LARP4: variants seen among roughly 807,000 people sequenced by gnomAD.
LARP4 encodes la-related protein 4.
In LARP4, 29 loss-of-function variants were observed where a neutral mutation model predicts 92.9. The ratio of observed to expected loss-of-function variants is 0.31; its 90% CI spans 0.23 to 0.43. The LOEUF (loss-of-function observed/expected upper bound fraction) is 0.43. LARP4 is among the 20% of genes least tolerant of loss of function. LARP4 has a pLI of 1.00. For missense variants in LARP4, 732 were observed against 860.0 expected, an observed-to-expected ratio of 0.85 and a Z score of 1.86; for synonymous variants, 279 against 284.1, an observed-to-expected ratio of 0.98 and a Z score of 0.18.
chr12:50,404,681 G>GT lies in LARP4; in HGVS notation c.18+3677dup, dbSNP rs1162590362. Among the ~76,000 whole-genome samples, 661 of 66,966 alleles carry GT rather than the reference G, an allele frequency of 9.9e-3. 5 individuals are homozygous for GT. Among genetic ancestry groups the GT allele is most frequent in the Middle Eastern group, 0.029 (3 of 102 alleles). The allele number at this position is 66,966 out of a possible 152,430, so 43.9% of individuals were successfully genotyped here. On this transcript the variant is annotated intron_variant, in intron 1 of 15. Transcript: ENST00000398473. ...AACCTCCGCCTCCTGGGTTCAAGCA[G>GT]TTTTTTTTTTTTTTTTTTTTTTTTG...
intron 3 of LARP4, among the ~76,000 whole-genome samples, 193 bp downstream of exon 3, chr12:50,429,283 A>C (rs1949278465): frequency 6.6e-6 from 1 of 152,152 alleles, no homozygotes; most frequent in Non-Finnish European, 1.5e-5. Context: ...AAGATTGTTT[A>C]TGAGGGTTCT....
chr12:50,417,213 G>A (rs2136620103), intron 1 of LARP4, among the ~76,000 whole-genome samples: 1 of 151,930 alleles, frequency 6.6e-6, no homozygotes, highest in African/African-American at 2.4e-5. Flanking sequence ...TTCAAGATCA[G>A]CCTGGCCAAG....
chr12:50,401,157 A>G (rs1429715144), intron 1 of LARP4, 129 bp downstream of exon 1: 3 of 1,038,612 alleles, frequency 2.9e-6, no homozygotes, highest in African/African-American at 1.6e-5. Flanking sequence ...CTGACACAGC[A>G]CCTGGGCCGA....
At chr12:50,444,449 CAACATAAGT>C in intron 8 of LARP4, among the ~76,000 whole-genome samples, 1 of 152,200 alleles carries the variant, frequency 6.6e-6, no homozygotes, top group East Asian at 1.9e-4. Context: ...CATCACATAG[CAACATAAGT>C]TGCAAGAAAA....
chr12:50,442,131 G>A (rs1951310500), intron 8 of LARP4, among the ~76,000 whole-genome samples: 1 of 152,148 alleles, frequency 6.6e-6, no homozygotes, highest in Non-Finnish European at 1.5e-5. Context: ...AATACTTTGT[G>A]TACAGCAATT....
At chr12:50,471,327 T>A (rs2139095688) in intron 13 of LARP4, among the ~76,000 whole-genome samples, 1 of 152,286 alleles carries the variant, frequency 6.6e-6, no homozygotes, top group East Asian at 1.9e-4. Context: ...CTTCTTTCAT[T>A]CTGTATGGTT....
intron 9 of LARP4, 80 bp downstream of exon 9, chr12:50,453,752 C>T: frequency 1.1e-6 from 1 of 888,166 alleles, no homozygotes; most frequent in Non-Finnish European, 1.7e-6. Context: ...GGAGTGGGAG[C>T]TCATTTATGT....
Position 50,475,966 on chromosome 12 carries a change from CAA to C in LARP4, c.*103_*104del, listed in dbSNP as rs984879938. 2.2e-5 allele frequency: 21 copies of C among 947,570 alleles called. No homozygotes were observed. The highest frequency in any genetic ancestry group is 1.2e-4 in the African/African-American group (7 of 60,298). 58.7% of individuals were successfully genotyped at this position (947,570 alleles called of 1,614,324 possible). On this transcript the variant is annotated 3_prime_UTR_variant, in exon 16 of 16. Transcript: ENST00000398473. Reference sequence around the variant, plus strand: ...GGGGAGGGGGTAGCCAGGAAGGAAACAAGAGAAAGTACGTCCATTTCATTATG... The same window carrying C: ...GGGGAGGGGGTAGCCAGGAAGGAAACGAGAAAGTACGTCCATTTCATTATG...
chr12:50,457,532 T>C (rs1040862441), intron 10 of LARP4, among the ~76,000 whole-genome samples: 1 of 152,078 alleles, frequency 6.6e-6, no homozygotes, highest in Non-Finnish European at 1.5e-5. Flanking sequence ...TTACTTTTTA[T>C]AGCCAGTGGG....
At chr12:50,446,026 G>A (rs1453643152) in intron 8 of LARP4, among the ~76,000 whole-genome samples, 10 of 131,406 alleles carry the variant, frequency 7.6e-5, no homozygotes, top group East Asian at 4.4e-4. Flanking sequence ...TTTTTGAGAC[G>A]GAGTCTCGCT....
rs572901930 is a variant in LARP4, at chr12:50,409,500, C to T, written c.18+8472C>T. 4.6e-4 allele frequency among the ~76,000 whole-genome samples: 70 copies of T among 152,228 alleles called. 1 individual carries two copies. Among genetic ancestry groups the T allele is most frequent in the African/African-American group, 1.5e-3 (64 of 41,556 alleles). On this transcript the variant is annotated intron_variant, in intron 1 of 15. Transcript: ENST00000398473. ...CCAGGGCCAGGTGCAGTGGCTCATG[C>T]CTGTAATCCCAGCACTTTGGGAGGC...
At chr12:50,471,766 A>T (rs1320094247) in intron 13 of LARP4, among the ~76,000 whole-genome samples, 1 of 152,026 alleles carries the variant, frequency 6.6e-6, no homozygotes, top group Non-Finnish European at 1.5e-5. Context: ...CAGATGATCC[A>T]CCCACCTCGG....
chr12:50,405,637 T>A (rs1265226498), intron 1 of LARP4, among the ~76,000 whole-genome samples: 1 of 151,920 alleles, frequency 6.6e-6, no homozygotes, highest in East Asian at 1.9e-4. Context: ...GCTTTTTTGC[T>A]CAAGCTGAAA....
At chr12:50,449,672 CTCTA>C (rs551030281) in intron 8 of LARP4, among the ~76,000 whole-genome samples, 23 of 152,222 alleles carry the variant, frequency 1.5e-4, no homozygotes, top group South Asian at 4.1e-4. Context: ...TGTGGTATTT[CTCTA>C]TCTATTTTTC....
At chr12:50,474,225 T>C in intron 15 of LARP4, 58 bp downstream of exon 15, 1 of 1,360,962 alleles carries the variant, frequency 7.3e-7, no homozygotes, top group Non-Finnish European at 1.0e-6. Flanking sequence ...ATTTTTTTTT[T>C]TTTTTCACGT....
At chr12:50,422,848 C>T (rs1006765614) in intron 1 of LARP4, among the ~76,000 whole-genome samples, 1 of 148,406 alleles carries the variant, frequency 6.7e-6, no homozygotes, top group Non-Finnish European at 1.5e-5. Context: ...AGACGAGTCC[C>T]CCTCTGTCGC....
intron 13 of LARP4, among the ~76,000 whole-genome samples, chr12:50,472,746 C>G (rs1220248656): frequency 6.6e-6 from 1 of 151,856 alleles, no homozygotes; most frequent in Admixed American, 6.6e-5. Flanking sequence ...CTCCTGGGCT[C>G]AAGCAGTCCT....
intron 1 of LARP4, among the ~76,000 whole-genome samples, chr12:50,427,048 A>G: frequency 6.6e-6 from 1 of 151,998 alleles, no homozygotes; most frequent in African/African-American, 2.4e-5. Context: ...TCAAGAGATT[A>G]CCTTAAATGG....
chr12:50,425,938 C>T (rs1328177293), intron 1 of LARP4, among the ~76,000 whole-genome samples: 1 of 152,138 alleles, frequency 6.6e-6, no homozygotes, highest in Non-Finnish European at 1.5e-5. Flanking sequence ...TCCAGGGTTA[C>T]AAATAGAGGC....
Sources: allele counts gnomAD v4.1 joint callset (sites outside exome capture counted in the v4.1 genomes callset), GRCh38; gene constraint gnomAD v4.1.1; transcripts MANE v1.5; gene names NCBI Gene and HGNC (gene_info 2026-07-23, HGNC 2026-07-21).